The following GAREM1 variants were observed in gnomAD, a reference collection of about 807,000 sequenced individuals.
GAREM1 encodes the protein GRB2 associated regulator of MAPK1 subtype 1, also known as GRB2-associated and regulator of MAPK protein 1.
In GAREM1, 26 loss-of-function variants were observed where a neutral mutation model predicts 71.3. That is an observed-to-expected ratio of 0.36 (90% confidence interval 0.27 to 0.51). The LOEUF (loss-of-function observed/expected upper bound fraction) is 0.51, where lower values mean the gene tolerates loss of function less well. Among genes scored for constraint, GAREM1 ranks in the 20% least tolerant of loss-of-function variants. GAREM1 has a pLI of 0.95. For synonymous variants in GAREM1, 440 were observed against 433.2 expected, an observed-to-expected ratio of 1.02 and a Z score of -0.20; for missense variants, 1,026 against 1,103.1, an observed-to-expected ratio of 0.93 and a Z score of 0.99.
Position 32,440,637 on chromosome 18 carries a change from C to T in GAREM1, c.121+29671G>A, listed in dbSNP as rs17736704. 8.7e-4 allele frequency among the ~76,000 whole-genome samples: 132 copies of T among 152,282 alleles called. 3 individuals are homozygous for T. In the South Asian group the frequency reaches 0.025, roughly 29 times the overall value. On this transcript the variant is annotated intron_variant, in intron 1 of 5. Transcript: ENST00000269209. The stretch of plus-strand genomic sequence containing the variant: ...CCTACAATCATTGCTGAGCAGATGG[C>T]GGTTGTGATGTATCCTCATTGCCTG...
At position 32,310,231 on chromosome 18, in the gene GAREM1, G is replaced by A. The variant is rs1380421176; in HGVS notation, c.355C>T (p.Arg119Cys). 9.3e-6 allele frequency: 15 copies of A among 1,613,856 alleles called. No individual in the cohort carries two copies. Among genetic ancestry groups the A allele is most frequent in the South Asian group, 2.2e-5 (2 of 91,076 alleles). ...GTGATATCCTCCATGACGTACACGC[G>A]TTCAGGAAATGCCTTAGCCACCTCC... ...VEEVAKAFPE[R>C]VYVMEDITFN... The change falls in exon 3 of 6, where the codon CGC (arginine) becomes TGC (cysteine). Residue 119 changes from arginine (R) to cysteine (C), a missense_variant. Arg to Cys is a radical substitution (Grantham distance 180, BLOSUM62 -3). This residue lies in a region of GAREM1 where 172 missense variants were observed against 175.2 expected (regional missense o/e 0.98). Coordinates refer to ENST00000269209, the MANE Select transcript of GAREM1 (RefSeq NM_001242409.2).
rs114452514 is a variant in GAREM1 at position 32,462,737 on chromosome 18, T to C, written c.121+7571A>G. Among the ~76,000 whole-genome samples the C allele has an allele frequency of 2.2e-3, 341 of 152,370 alleles. 3 individuals are homozygous for C. The highest frequency in any genetic ancestry group is 7.7e-3 in the African/African-American group (321 of 41,582). On this transcript the variant is annotated intron_variant, in intron 1 of 5. Coordinates refer to ENST00000269209, the MANE Select transcript of GAREM1 (RefSeq NM_001242409.2). ...ATGTTTTCTTCCATGAGTAGTTTCA[T>C]AGTTTCTGGTCTTACATTTAAGTCT...
At chr18:32,295,106 C>T (rs1445785901) in intron 3 of GAREM1, among the ~76,000 whole-genome samples, 1 of 151,650 alleles carries the variant, frequency 6.6e-6, no homozygotes, top group Non-Finnish European at 1.5e-5. Context: ...GCTCTGTCAC[C>T]CAGGCTGGAG....
intron 4 of GAREM1, among the ~76,000 whole-genome samples, chr18:32,273,327 C>A (rs761290801): frequency 3.9e-5 from 6 of 152,140 alleles, no homozygotes; most frequent in Non-Finnish European, 8.8e-5. Flanking sequence ...ATGTCAATTA[C>A]AATATGCATT....
intron 2 of GAREM1, among the ~76,000 whole-genome samples, chr18:32,378,381 T>A (rs1019477623): frequency 1.3e-5 from 2 of 151,478 alleles, no homozygotes; most frequent in African/African-American, 4.9e-5. Context: ...GTGCCTGTAA[T>A]CCCAGCTACT....
intron 1 of GAREM1, among the ~76,000 whole-genome samples, chr18:32,453,068 C>T (rs2048855198): frequency 6.6e-6 from 1 of 152,014 alleles, no homozygotes; most frequent in Non-Finnish European, 1.5e-5. Context: ...TTAATAGACT[C>T]ACAGCTCCAC....
At chr18:32,399,147 A>G (rs1222586382) in intron 1 of GAREM1, among the ~76,000 whole-genome samples, 1 of 152,206 alleles carries the variant, frequency 6.6e-6, no homozygotes, top group African/African-American at 2.4e-5. Flanking sequence ...CTCTCAATAA[A>G]TTAGGTATTG....
chr18:32,300,594 T>C (rs945581802), intron 3 of GAREM1, among the ~76,000 whole-genome samples: 7 of 152,116 alleles, frequency 4.6e-5, no homozygotes, highest in Admixed American at 2.0e-4. Context: ...CTGTAGTTTG[T>C]TCTGCTAAAA....
At chr18:32,441,184 G>A (rs1000552942) in intron 1 of GAREM1, among the ~76,000 whole-genome samples, 3 of 152,150 alleles carry the variant, frequency 2.0e-5, no homozygotes, top group Non-Finnish European at 4.4e-5. Flanking sequence ...AGGGACAGAA[G>A]CAAGTTCTCA....
At chr18:32,421,713 C>A (rs1213668296) in intron 1 of GAREM1, among the ~76,000 whole-genome samples, 1 of 152,140 alleles carries the variant, frequency 6.6e-6, no homozygotes, top group Admixed American at 6.6e-5. Context: ...AAGCCCTTCC[C>A]CCATATTACC....
intron 1 of GAREM1, among the ~76,000 whole-genome samples, chr18:32,438,638 T>C (rs772492475): frequency 5.9e-5 from 9 of 152,202 alleles, no homozygotes; most frequent in Non-Finnish European, 1.2e-4. Context: ...AGCAAGAAAC[T>C]TGGGCTGATT....
chr18:32,364,019 TATATA>T (rs2047900378), intron 2 of GAREM1, among the ~76,000 whole-genome samples: 4 of 69,318 alleles, frequency 5.8e-5, no homozygotes, highest in East Asian at 3.7e-4. Context: ...TATATATATA[TATATA>T]TATGTTTTTT....
rs2041439377 is a variant in GAREM1 at position 32,270,288 on chromosome 18, G to C, written c.1662C>G (p.Val554=). The change falls in exon 5 of 6, where the codon GTC becomes GTG. Residue 554 remains valine (V), a synonymous_variant. Coordinates refer to ENST00000269209, the MANE Select transcript of GAREM1 (RefSeq NM_001242409.2). ...AGCGAGTCTGTTGCCGCGCTGGCTT[G>C]ACTGTGCGAGGAGGGATGGAGGGAC... ...STSPSIPPRT[V]KPARQQTRSP... is the part of the protein sequence containing the mutation. The C allele has an allele frequency of 6.2e-7, 1 of 1,613,950 alleles. No individual in the cohort carries two copies. The highest frequency in any genetic ancestry group is 1.3e-5 in the African/African-American group (1 of 74,932).
chr18:32,445,255 A>G (rs1199240743), intron 1 of GAREM1, among the ~76,000 whole-genome samples: 3 of 152,270 alleles, frequency 2.0e-5, no homozygotes, highest in African/African-American at 7.2e-5. Flanking sequence ...AAATATACAC[A>G]TATTAGTAAA....
intron 1 of GAREM1, among the ~76,000 whole-genome samples, chr18:32,400,100 T>C (rs1401830024): frequency 6.6e-6 from 1 of 152,208 alleles, no homozygotes; most frequent in Non-Finnish European, 1.5e-5. Context: ...TAAATGGTGC[T>C]GGGAAAACTG....
intron 2 of GAREM1, among the ~76,000 whole-genome samples, chr18:32,366,757 G>A (rs753624256): frequency 2.8e-4 from 42 of 152,102 alleles, no homozygotes; most frequent in Non-Finnish European, 4.9e-4. Context: ...TTTTGTTTCC[G>A]GCTAGCTGGG....
intron 2 of GAREM1, among the ~76,000 whole-genome samples, chr18:32,378,674 T>C (rs1240015927): frequency 6.6e-6 from 1 of 151,984 alleles, no homozygotes; most frequent in Non-Finnish European, 1.5e-5. Flanking sequence ...TACTACCTAA[T>C]AATACTGGCT....
At position 32,268,558 on chromosome 18, in the gene GAREM1, C is replaced by A. The variant is rs2041410664; in HGVS notation, c.1944G>T (p.Arg648Ser). ...TRSDFLLDPS[R>S]SYSYPRQKTP... ...TCTTTTGTCTAGGGTAACTATAACTCCTGCTTGGATCCAGCAGGAAGTCAC... is the reference window on the plus strand; with the variant it reads ...TCTTTTGTCTAGGGTAACTATAACTACTGCTTGGATCCAGCAGGAAGTCAC... The change falls in exon 6 of 6, where the codon AGG becomes AGT. Residue 648 changes from arginine to serine, a missense_variant. Arg to Ser is a moderately radical substitution (Grantham distance 110). Coordinates refer to ENST00000269209, the MANE Select transcript of GAREM1 (RefSeq NM_001242409.2). 1.9e-6 allele frequency: 3 copies of A among 1,614,136 alleles called. No individual in the cohort carries two copies. Among genetic ancestry groups the A allele is most frequent in the Non-Finnish European group, 2.5e-6 (3 of 1,180,026 alleles).
intron 1 of GAREM1, among the ~76,000 whole-genome samples, chr18:32,426,288 G>T (rs931066245): frequency 6.6e-6 from 1 of 152,144 alleles, no homozygotes; most frequent in Non-Finnish European, 1.5e-5. Context: ...CAAAGTGCTG[G>T]GATTACTGGC....
Sources: allele counts gnomAD v4.1 joint callset (sites outside exome capture counted in the v4.1 genomes callset), GRCh38; gene constraint gnomAD v4.1.1; regional missense constraint gnomAD v4.1.1; transcripts MANE v1.5; gene names NCBI Gene and HGNC (gene_info 2026-07-23, HGNC 2026-07-21).